Variants in CACNA1G observed in about 807,000 individuals in gnomAD.
CACNA1G encodes the protein calcium voltage-gated channel subunit alpha1 G, also known as voltage-dependent T-type calcium channel subunit alpha-1G.
In CACNA1G, 67 loss-of-function variants were observed where a neutral mutation model predicts 219.4. The observed-to-expected ratio is 0.31, with a 90% CI of 0.25 to 0.37. The LOEUF is 0.37. Among genes scored for constraint, CACNA1G ranks in the 10% least tolerant of loss-of-function variants. The pLI is 1.00. For synonymous variants in CACNA1G, 1,296 were observed against 1,345.3 expected, an observed-to-expected ratio of 0.96 and a Z score of 0.80; for missense variants, 2,380 against 3,231.4, an observed-to-expected ratio of 0.74 and a Z score of 6.39.
chr17:50,566,440 T>C (rs198540), intron 1 of CACNA1G, among the ~76,000 whole-genome samples: 60,520 of 152,004 alleles, frequency 0.4, 13,506 homozygotes, highest in African/African-American at 0.59. Context: ...TACTTGGAAG[T>C]AGGCTGAATT....
chr17:50,596,645 C>T lies in CACNA1G; in HGVS notation c.3063C>T (p.Ala1021=), dbSNP rs771431361. 5.0e-6 allele frequency: 8 copies of T among 1,613,892 alleles called. No homozygotes were observed. The highest frequency in any genetic ancestry group is 2.2e-5 in the South Asian group (2 of 91,082). ...DGDGDRKKCL[A]LVSLGEHPEL... ...ATGGGGACAGGAAGAAGTGCTTGGC[C>T]TGTGAGTACCTATCCTGGGGTGCGA... is the stretch of plus-strand genomic sequence containing the variant. The change falls in exon 15 of 38, where the codon GCC becomes GCT. Residue 1021 remains alanine, a splice_region_variant and synonymous_variant. Coordinates refer to ENST00000359106, the MANE Select transcript of CACNA1G (RefSeq NM_018896.5). The surrounding 1 kb of genome is among the most constrained non-coding windows in gnomAD (Gnocchi z 4.8).
chr17:50,612,817 A>G (rs2049519966), intron 26 of CACNA1G, among the ~76,000 whole-genome samples: 1 of 152,176 alleles, frequency 6.6e-6, no homozygotes, highest in African/African-American at 2.4e-5. Flanking sequence ...TCTCCACCTA[A>G]GGCAGCTCAT....
At chr17:50,615,116 T>TG (rs1057415383) in intron 26 of CACNA1G, among the ~76,000 whole-genome samples, 3 of 151,678 alleles carry the variant, frequency 2.0e-5, no homozygotes, top group Admixed American at 2.0e-4. Flanking sequence ...CTAATGTAGG[T>TG]GGGGGGCTCT....
intron 37 of CACNA1G, among the ~76,000 whole-genome samples, chr17:50,624,740 TGAG>T (rs2053228325): frequency 6.6e-6 from 1 of 152,266 alleles, no homozygotes; most frequent in Admixed American, 6.5e-5. Context: ...CTTGTTCCAC[TGAG>T]GAGGCCTGGA....
At position 50,624,003 on chromosome 17, in the gene CACNA1G, A is replaced by C. The variant is rs760313217; in HGVS notation, c.6157A>C (p.Met2053Leu). Residue 2053 changes from methionine (M) to leucine (L), a missense_variant, in exon 36 of 38, where the codon ATG becomes CTG. Around this residue, in one of 17 missense-constraint regions of CACNA1G, gnomAD observed 672 missense variants for 670.5 expected, o/e 1.00. Coordinates refer to ENST00000359106, the MANE Select transcript of CACNA1G (RefSeq NM_018896.5). Reference sequence around the variant, plus strand: ...GCACTCTCTGCCCAATGACAGCTACATGTGTCGGCATGGGAGCACTGCCGA... The same window carrying C: ...GCACTCTCTGCCCAATGACAGCTACCTGTGTCGGCATGGGAGCACTGCCGA... ...RTHSLPNDSYMCRHGSTAEGP... is the reference protein window; with the variant it reads ...RTHSLPNDSYLCRHGSTAEGP... 9.9e-6 allele frequency: 16 copies of C among 1,613,192 alleles called. 2 individuals are homozygous for C. In the South Asian group the frequency reaches 1.8e-4, roughly 18 times the overall value.
At chr17:50,594,085 G>A (rs1418326421) in intron 13 of CACNA1G, among the ~76,000 whole-genome samples, 1 of 152,184 alleles carries the variant, frequency 6.6e-6, no homozygotes, top group African/African-American at 2.4e-5. Context: ...ATTTTGGTGG[G>A]CTTCCCCAGC....
intron 34 of CACNA1G, among the ~76,000 whole-genome samples, chr17:50,620,120 A>T (rs8079740): frequency 6.6e-6 from 1 of 150,706 alleles, no homozygotes; most frequent in East Asian, 2.0e-4. Flanking sequence ...AAGAGAAAAG[A>T]GGGGATGGGG....
chr17:50,600,922 C>T lies in CACNA1G; in HGVS notation c.3791+96C>T, dbSNP rs1044087357. ...GCTGTCAGGGATTTGAGAAGTGGCACCCTGCCTGGGGTGTGAGCAGGGTGG... is the reference window on the plus strand; with the variant it reads ...GCTGTCAGGGATTTGAGAAGTGGCATCCTGCCTGGGGTGTGAGCAGGGTGG... On this transcript the variant is annotated intron_variant, in intron 18 of 37. Transcript: ENST00000359106. This position sits in a 1 kb window ranked among gnomAD's most constrained non-coding sequence, Gnocchi z 4.1. The T allele has an allele frequency of 3.2e-6, 5 of 1,564,828 alleles. No homozygotes were observed. The highest frequency in any genetic ancestry group is 3.3e-5 in the Admixed American group (2 of 59,716).
chr17:50,605,819 C>A (rs1309663338), intron 22 of CACNA1G, 79 bp from the exon 23 acceptor site: 1 of 1,520,512 alleles, frequency 6.6e-7, no homozygotes, highest in Non-Finnish European at 9.0e-7. Flanking sequence ...CCCAGGCTGG[C>A]GTGGGGGTGG....
At chr17:50,623,539 A>T (rs558433705) in intron 35 of CACNA1G, among the ~76,000 whole-genome samples, 5 of 151,802 alleles carry the variant, frequency 3.3e-5, no homozygotes, top group Non-Finnish European at 7.4e-5. Context: ...CTTGTGAGCC[A>T]CCTGCAGGGC....
intron 1 of CACNA1G, chr17:50,563,676 A>AGGTG (rs1274478744): frequency 6.6e-5 from 10 of 152,220 alleles, no homozygotes; most frequent in Admixed American, 6.6e-4. Context: ...GGGGGAGGAG[A>AGGTG]GGTGGGAGGA....
At chr17:50,591,343 G>C (rs1038946300) in intron 10 of CACNA1G, 92 bp from the exon 11 acceptor site, 40 of 1,297,706 alleles carry the variant, frequency 3.1e-5, no homozygotes, top group Non-Finnish European at 4.1e-5. Flanking sequence ...TGCCCACCCA[G>C]CCAGGCCCTT....
At chr17:50,577,399 AG>A (rs2040925670) in intron 8 of CACNA1G, among the ~76,000 whole-genome samples, 1 of 150,418 alleles carries the variant, frequency 6.6e-6, no homozygotes, top group South Asian at 2.2e-4. Flanking sequence ...CTGGATTTAA[AG>A]GGACATTGAT....
intron 28 of CACNA1G, 34 bp downstream of exon 28, chr17:50,616,418 G>A (rs375904268): frequency 7.9e-6 from 10 of 1,269,068 alleles, no homozygotes; most frequent in South Asian, 3.6e-5. Context: ...GGGGACTTGC[G>A]TAGAGATAGA....
rs537989352 is a variant in CACNA1G, at chr17:50,569,044, A to T, written c.354+63A>T. 2.8e-6 allele frequency: 4 copies of T among 1,437,354 alleles called. No individual in the cohort carries two copies. The East Asian group carries it at 1.0e-4, about 37-fold the overall frequency. 89.0% of individuals were successfully genotyped at this position (1,437,354 alleles called of 1,614,324 possible). On this transcript the variant is annotated intron_variant, in intron 2 of 37. Coordinates refer to ENST00000359106, the MANE Select transcript of CACNA1G (RefSeq NM_018896.5). ...GTGTGTTGGGGGTTGGCCCCTCTTA[A>T]TCTTAATACCCTCTACTCCTCTGCA...
At chr17:50,593,657 AG>A (rs1290930894) in intron 13 of CACNA1G, among the ~76,000 whole-genome samples, 1 of 152,202 alleles carries the variant, frequency 6.6e-6, no homozygotes, top group Non-Finnish European at 1.5e-5. Context: ...GGGCTCAACA[AG>A]GCCCACGCAG....
intron 9 of CACNA1G, among the ~76,000 whole-genome samples, chr17:50,585,783 G>T (rs1253301276): frequency 6.6e-6 from 1 of 152,202 alleles, no homozygotes; most frequent in African/African-American, 2.4e-5. Context: ...CCTCCTTGAA[G>T]ACTTGCCTCC....
At chr17:50,614,721 C>T (rs117964204) in intron 26 of CACNA1G, among the ~76,000 whole-genome samples, 2,704 of 152,330 alleles carry the variant, frequency 0.018, 46 homozygotes, top group Non-Finnish European at 0.029. Flanking sequence ...GTGGGGCCCT[C>T]CCAGCTTGAG....
chr17:50,618,017 C>T lies in CACNA1G; in HGVS notation c.5227-31C>T. The T allele has an allele frequency of 1.2e-6, 2 of 1,612,976 alleles. No homozygotes were observed. The highest frequency in any genetic ancestry group is 1.7e-6 in the Non-Finnish European group (2 of 1,179,070). ...AGAAGCTGACTGGGAGACCCAGCGG[C>T]ATCGTTTCTATTTCTTCTCCTTTTT... On this transcript the variant is annotated intron_variant, in intron 30 of 37. Coordinates refer to ENST00000359106, the MANE Select transcript of CACNA1G (RefSeq NM_018896.5). This position sits in a 1 kb window ranked among gnomAD's most constrained non-coding sequence, Gnocchi z 5.3.
Sources: gnomAD v4.1 joint callset for allele counts (sites outside exome capture counted in the v4.1 genomes callset) on GRCh38, gnomAD v4.1.1 for gene constraint, gnomAD v4.1.1 regional missense constraint, Gnocchi (gnomAD v3.1) non-coding constraint, MANE v1.5 for transcripts, NCBI Gene and HGNC (gene_info 2026-07-23, HGNC 2026-07-21) for gene names.